Variants in CTNNA2 observed in about 807,000 individuals in gnomAD.
CTNNA2 encodes the protein catenin alpha 2.
CTNNA2 carries 42 observed loss-of-function variants against 101.0 expected under a neutral mutation model. The observed-to-expected ratio is 0.42, with a 90% CI of 0.32 to 0.54. The LOEUF (loss-of-function observed/expected upper bound fraction) is 0.54, where lower values mean the gene tolerates loss of function less well. Among genes scored for constraint, CTNNA2 ranks in the 20% least tolerant of loss-of-function variants. The pLI is 0.14. For missense variants in CTNNA2, 871 were observed against 1,223.1 expected (o/e 0.71, Z 4.29); for synonymous variants, 450 against 456.4 (o/e 0.99, Z 0.18).
chr2:79,712,145 A>G (rs61265548), intron 2 of CTNNA2, among the ~76,000 whole-genome samples: 38,060 of 152,074 alleles, frequency 0.25, 6,823 homozygotes, highest in African/African-American at 0.51. Flanking sequence ...ATCAACCTGT[A>G]AAGCAATTCT....
intron 7 of CTNNA2, among the ~76,000 whole-genome samples, chr2:80,164,722 C>T (rs1177985526): frequency 2.0e-5 from 3 of 151,486 alleles, no homozygotes; most frequent in African/African-American, 7.2e-5. Context: ...CCGTCTTTAG[C>T]CCTTCTTTTG....
chr2:79,366,230 C>T (rs1371598160), intron 3 of CTNNA2, among the ~76,000 whole-genome samples: 1 of 152,134 alleles, frequency 6.6e-6, no homozygotes, highest in Admixed American at 6.5e-5. Context: ...CAAGATGTGT[C>T]ATCTGCAAAA....
chr2:79,966,436 A>G (rs1034236517), intron 7 of CTNNA2, among the ~76,000 whole-genome samples: 24 of 152,048 alleles, frequency 1.6e-4, no homozygotes, highest in Admixed American at 9.8e-4. Flanking sequence ...AAGTCTTTCT[A>G]TGTTGTTTAG....
chr2:80,639,546 TTTTTAACAATAAATACAACATATCTGTGA>T (rs1673243241), intron 18 of CTNNA2, among the ~76,000 whole-genome samples: 1 of 151,948 alleles, frequency 6.6e-6, no homozygotes, highest in African/African-American at 2.4e-5. Flanking sequence ...TGTGTCTGTG[TTTTTAACAATAAATACAACATATCTGTGA>T]TGGTCACTTT....
chr2:80,505,301 G>A (rs1240745358), intron 9 of CTNNA2, among the ~76,000 whole-genome samples: 2 of 152,136 alleles, frequency 1.3e-5, no homozygotes, highest in Non-Finnish European at 2.9e-5. Context: ...CCCAGGGCTC[G>A]GCTTATCTCT....
chr2:79,428,657 T>C (rs1678618294), intron 4 of CTNNA2, among the ~76,000 whole-genome samples: 1 of 152,054 alleles, frequency 6.6e-6, no homozygotes, highest in South Asian at 2.1e-4. Flanking sequence ...TTACAGGATC[T>C]GTGTAAAGCA....
chr2:80,587,521 T>G (rs1167129374), intron 14 of CTNNA2, among the ~76,000 whole-genome samples: 1 of 152,206 alleles, frequency 6.6e-6, no homozygotes, highest in Non-Finnish European at 1.5e-5. Flanking sequence ...ATGCCCATAT[T>G]CTATCTGAAG....
intron 4 of CTNNA2, among the ~76,000 whole-genome samples, chr2:79,406,699 T>G (rs922055201): frequency 3.3e-5 from 5 of 151,976 alleles, no homozygotes; most frequent in African/African-American, 1.2e-4. Context: ...TCTGCTATAC[T>G]TTTATCAAAT....
intron 1 of CTNNA2, among the ~76,000 whole-genome samples, chr2:79,629,325 A>G (rs1679532753): frequency 6.6e-6 from 1 of 152,238 alleles, no homozygotes; most frequent in South Asian, 2.1e-4. Flanking sequence ...AAAGAAGAAT[A>G]AAGAGTATCT....
intron 2 of CTNNA2, among the ~76,000 whole-genome samples, chr2:79,699,925 TATATA>T (rs1573720280): frequency 6.7e-6 from 1 of 148,270 alleles, no homozygotes; most frequent in South Asian, 2.1e-4. Flanking sequence ...TATATATGTA[TATATA>T]ATATATTTAC....
At chr2:79,425,409 G>C (rs1484922362) in intron 4 of CTNNA2, among the ~76,000 whole-genome samples, 2 of 152,064 alleles carry the variant, frequency 1.3e-5, no homozygotes, top group Non-Finnish European at 2.9e-5. Flanking sequence ...AATATATAAA[G>C]GACAGAAATT....
chr2:79,699,498 A>T (rs73938784), intron 2 of CTNNA2, among the ~76,000 whole-genome samples: 3,320 of 152,064 alleles, frequency 0.022, 121 homozygotes, highest in African/African-American at 0.076. Flanking sequence ...TCAAGGCCAA[A>T]AGTCTCTATA....
chr2:80,094,805 T>C (rs919718836), intron 7 of CTNNA2, among the ~76,000 whole-genome samples: 7 of 152,172 alleles, frequency 4.6e-5, no homozygotes, highest in Non-Finnish European at 1.0e-4. Flanking sequence ...TGGCTCTCTG[T>C]TTGTCTGTTT....
intron 13 of CTNNA2, chr2:80,578,765 G>C (rs1335150760): frequency 6.6e-6 from 1 of 152,056 alleles, no homozygotes; most frequent in Non-Finnish European, 1.5e-5. Flanking sequence ...ATACTCAACA[G>C]TTCTGAGCCT....
intron 7 of CTNNA2, among the ~76,000 whole-genome samples, chr2:80,323,668 TCTCCTC>T (rs371939459): frequency 1.3e-5 from 2 of 152,048 alleles, no homozygotes; most frequent in Admixed American, 6.6e-5. Context: ...TCTTTCTTTT[TCTCCTC>T]CTCCTCCTCC....
At chr2:80,159,625 G>T (rs1046694509) in intron 7 of CTNNA2, among the ~76,000 whole-genome samples, 1 of 152,022 alleles carries the variant, frequency 6.6e-6, no homozygotes, top group Non-Finnish European at 1.5e-5. Flanking sequence ...TTACAGGCAT[G>T]CACCACCAGA....
intron 2 of CTNNA2, among the ~76,000 whole-genome samples, chr2:79,209,992 G>A (rs1259743112): frequency 6.6e-6 from 1 of 151,604 alleles, no homozygotes; most frequent in Non-Finnish European, 1.5e-5. Context: ...TGTGGCGGGG[G>A]TATTGGAAAT....
intron 1 of CTNNA2, among the ~76,000 whole-genome samples, chr2:79,613,258 A>G (rs1463677675): frequency 2.6e-5 from 4 of 151,718 alleles, no homozygotes; most frequent in African/African-American, 7.3e-5. Flanking sequence ...TCAGGAAGTC[A>G]TATCAGACTC....
At chr2:80,150,570 A>G (rs1703635698) in intron 7 of CTNNA2, among the ~76,000 whole-genome samples, 1 of 152,166 alleles carries the variant, frequency 6.6e-6, no homozygotes, top group Non-Finnish European at 1.5e-5. Context: ...ATTCCAAGCT[A>G]CAACTTTGAG....
Sources: allele counts gnomAD v4.1 joint callset (sites outside exome capture counted in the v4.1 genomes callset), GRCh38; gene constraint gnomAD v4.1.1; transcripts MANE v1.5; gene names NCBI Gene and HGNC (gene_info 2026-07-23, HGNC 2026-07-21).